ANKRD6: variants seen among roughly 807,000 people sequenced by gnomAD.
ANKRD6 encodes the protein ankyrin repeat domain-containing protein 6.
In ANKRD6, 56 loss-of-function variants were observed where a neutral mutation model predicts 82.3. The observed-to-expected ratio is 0.68, with a 90% CI of 0.55 to 0.85. The LOEUF (loss-of-function observed/expected upper bound fraction) is 0.85. Among genes scored for constraint, ANKRD6 ranks in the 40% least tolerant of loss-of-function variants. The probability of loss-of-function intolerance (pLI) is 0.00; values close to 1 mark genes in which losing one functional copy is unlikely to be tolerated. For missense variants in ANKRD6, 852 were observed against 907.6 expected (o/e 0.94, Z 0.79); for synonymous variants, 347 against 352.1 (o/e 0.99, Z 0.16).
rs1186092758 is a variant in ANKRD6, at chr6:89,631,218, GT to G, written c.*218del. 1.1e-6 allele frequency: 1 copy of G among 888,064 alleles called. No homozygotes were observed. The highest frequency in any genetic ancestry group is 1.7e-5 in the African/African-American group (1 of 58,788). The allele number at this position is 888,064 out of a possible 1,614,324, so 55.0% of individuals were successfully genotyped here. ...ACTGAAACCAGGGGAAGCTTGCTTA[GT>G]TTTGGGTTTCATTATAAACTCTTAG... is the stretch of plus-strand genomic sequence containing the variant. On this transcript the variant is annotated 3_prime_UTR_variant, in exon 16 of 16. Coordinates refer to ENST00000339746, the MANE Select transcript of ANKRD6 (RefSeq NM_001242809.2).
intron 1 of ANKRD6, among the ~76,000 whole-genome samples, chr6:89,488,921 T>TTCTAG (rs1466777120): frequency 4.7e-5 from 7 of 148,434 alleles, no homozygotes; most frequent in Admixed American, 4.1e-4. Context: ...TTCTATTCTA[T>TTCTAG]TCTAGTTCAT....
At chr6:89,522,837 T>A (rs1227695516) in intron 1 of ANKRD6, among the ~76,000 whole-genome samples, 2 of 152,158 alleles carry the variant, frequency 1.3e-5, no homozygotes. Context: ...TTTGCACTCT[T>A]CCTGGTCTCA....
chr6:89,622,029 G>A lies in ANKRD6; in HGVS notation c.897+3G>A. On this transcript the variant is annotated splice_donor_region_variant and intron_variant, in intron 10 of 15. Transcript: ENST00000339746. ...GAGATGAGGTGGCCCAAAGCAAGGT[G>A]GGGGGCAGTCCTCCCGCCGTCCCCA... 3 of 1,611,382 alleles carry A rather than the reference G, an allele frequency of 1.9e-6. No homozygotes were observed. The highest frequency in any genetic ancestry group is 1.1e-5 in the South Asian group (1 of 90,974).
intron 1 of ANKRD6, among the ~76,000 whole-genome samples, chr6:89,519,755 CTG>C (rs1194893642): frequency 3.3e-5 from 5 of 152,220 alleles, no homozygotes; most frequent in African/African-American, 9.6e-5. Flanking sequence ...TGAATTAAAA[CTG>C]TGGTCTACAC....
intron 1 of ANKRD6, among the ~76,000 whole-genome samples, chr6:89,526,117 C>T (rs977260070): frequency 3.3e-5 from 5 of 152,208 alleles, no homozygotes; most frequent in African/African-American, 4.8e-5. Context: ...CCTTAGTGTT[C>T]GTCTTAGTCG....
intron 1 of ANKRD6, among the ~76,000 whole-genome samples, chr6:89,534,911 T>C (rs1427279365): frequency 2.0e-5 from 3 of 152,180 alleles, no homozygotes; most frequent in Non-Finnish European, 4.4e-5. Flanking sequence ...GGAGCTAATG[T>C]CTGAGAAAGG....
intron 5 of ANKRD6, among the ~76,000 whole-genome samples, chr6:89,610,442 A>G (rs1799936056): frequency 6.6e-6 from 1 of 152,000 alleles, no homozygotes; most frequent in Admixed American, 6.6e-5. Context: ...ACGCCTCTTT[A>G]TTGCTGAGGA....
chr6:89,592,305 G>A (rs1321937431), intron 2 of ANKRD6, among the ~76,000 whole-genome samples: 1 of 152,200 alleles, frequency 6.6e-6, no homozygotes, highest in East Asian at 1.9e-4. Flanking sequence ...GGGGGCTAAG[G>A]ACAGCTGGAG....
At chr6:89,617,842 G>C in intron 8 of ANKRD6, 112 bp from the exon 9 acceptor site, 2 of 976,190 alleles carry the variant, frequency 2.0e-6, no homozygotes, top group Non-Finnish European at 3.2e-6. Context: ...CGTAGGTGCT[G>C]GGTGTGACTG....
rs576966735 is a variant in ANKRD6 at position 89,500,495 on chromosome 6, T to C, written c.-143-66339T>C. ...TCCTACTATTAATAATGTCATATGATATATTTTTTAATAAAGCAATACATT... is the reference window on the plus strand; with the variant it reads ...TCCTACTATTAATAATGTCATATGACATATTTTTTAATAAAGCAATACATT... On this transcript the variant is annotated intron_variant, in intron 1 of 15. Transcript: ENST00000339746. Among the ~76,000 whole-genome samples the C allele has an allele frequency of 3.3e-5, 5 of 152,340 alleles. No individual in the cohort carries two copies. The South Asian group carries it at 8.3e-4, about 25-fold the overall frequency.
At chr6:89,619,126 C>G (rs1802351803) in intron 9 of ANKRD6, among the ~76,000 whole-genome samples, 1 of 152,006 alleles carries the variant, frequency 6.6e-6, no homozygotes, top group Non-Finnish European at 1.5e-5. Context: ...CAAAATTGAT[C>G]ACCTTCTTGT....
chr6:89,588,998 A>AAAAG (rs1794345608), intron 2 of ANKRD6, among the ~76,000 whole-genome samples: 2 of 148,248 alleles, frequency 1.3e-5, no homozygotes, highest in African/African-American at 4.9e-5. Context: ...CTGTCTCAAA[A>AAAAG]AAAAAAAAAA....
intron 1 of ANKRD6, among the ~76,000 whole-genome samples, chr6:89,472,913 G>A (rs1300117922): frequency 6.6e-6 from 1 of 152,132 alleles, no homozygotes; most frequent in African/African-American, 2.4e-5. Context: ...CTTGCTCTGT[G>A]TTTTCATGGT....
intron 1 of ANKRD6, among the ~76,000 whole-genome samples, chr6:89,540,076 C>T (rs1784292794): frequency 6.6e-6 from 1 of 152,138 alleles, no homozygotes; most frequent in Non-Finnish European, 1.5e-5. Context: ...CTATTATAAA[C>T]AGTGCTGCAA....
intron 9 of ANKRD6, chr6:89,621,532 C>T: frequency 4.9e-6 from 1 of 204,616 alleles, no homozygotes; most frequent in Non-Finnish European, 1.0e-5. Context: ...GAGAGTGAGA[C>T]TGTGCCTCAC....
intron 1 of ANKRD6, among the ~76,000 whole-genome samples, chr6:89,447,316 T>C (rs1413523609): frequency 6.6e-6 from 1 of 152,172 alleles, no homozygotes; most frequent in African/African-American, 2.4e-5. Context: ...GAAACAGCCT[T>C]ATTGTTATTG....
At chr6:89,617,486 C>T (rs150769622) in intron 8 of ANKRD6, among the ~76,000 whole-genome samples, 1 of 152,212 alleles carries the variant, frequency 6.6e-6, no homozygotes, top group Non-Finnish European at 1.5e-5. Context: ...TCCTGAATCT[C>T]TCTGGCCAGC....
chr6:89,516,891 C>T (rs1025606855), intron 1 of ANKRD6, among the ~76,000 whole-genome samples: 3 of 151,934 alleles, frequency 2.0e-5, no homozygotes, highest in African/African-American at 7.3e-5. Flanking sequence ...TTTTTGGAGA[C>T]AGAGCTTTAC....
intron 1 of ANKRD6, chr6:89,478,140 C>G (rs891024258): frequency 5.9e-5 from 9 of 151,850 alleles, no homozygotes; most frequent in African/African-American, 2.2e-4. Flanking sequence ...GGAGGAAATT[C>G]GCTAGGCACG....
Sources: allele counts gnomAD v4.1 joint callset (sites outside exome capture counted in the v4.1 genomes callset), GRCh38; gene constraint gnomAD v4.1.1; transcripts MANE v1.5; gene names NCBI Gene and HGNC (gene_info 2026-07-23, HGNC 2026-07-21).